Variants in NAV3 observed in about 807,000 individuals in gnomAD.
NAV3 encodes the protein pore membrane and/or filament interacting like protein 1.
A neutral mutation model predicts 244.7 loss-of-function variants in NAV3; 87 were observed. The observed-to-expected ratio is 0.36, with a 90% CI of 0.30 to 0.42. The LOEUF is 0.42. NAV3 is among the 20% of genes least tolerant of loss of function. The pLI is 1.00. For missense variants in NAV3, 2,663 were observed against 2,893.3 expected, an observed-to-expected ratio of 0.92 and a Z score of 1.83; for synonymous variants, 1,126 against 1,042.2, an observed-to-expected ratio of 1.08 and a Z score of -1.55.
intron 16 of NAV3, among the ~76,000 whole-genome samples, chr12:78,126,180 T>C (rs1259452230): frequency 6.6e-6 from 1 of 152,214 alleles, no homozygotes; most frequent in Non-Finnish European, 1.5e-5. Context: ...TGGATGCTTT[T>C]GATTTCAGTG....
intron 2 of NAV3, among the ~76,000 whole-genome samples, chr12:77,737,529 C>G (rs557434919): frequency 2.0e-5 from 3 of 151,836 alleles, no homozygotes; most frequent in East Asian, 3.9e-4. Context: ...TGCTGTACAC[C>G]GAGGATTAAG....
chr12:78,176,451 G>A lies in NAV3; in HGVS notation c.5116G>A (p.Gly1706Arg). 7 of 1,612,662 alleles carry A rather than the reference G, an allele frequency of 4.3e-6. No individual in the cohort carries two copies. The highest frequency in any genetic ancestry group is 5.9e-6 in the Non-Finnish European group (7 of 1,179,242). Reference sequence around the variant, plus strand: ...ATGTTTCTGCAAGGTGAACTCTAGAGGAAGTGAGGTGAATATAAACCGTGG... The same window carrying A: ...ATGTTTCTGCAAGGTGAACTCTAGAAGAAGTGAGGTGAATATAAACCGTGG... ...KKKKNWVNSR[G>R]SELRSSFKQA... Residue 1706 changes from glycine (G) to arginine (R), a missense_variant, in exon 26 of 40, where the codon GGA (glycine) becomes AGA (arginine). Gly to Arg is a moderately radical substitution (Grantham distance 125). Transcript: ENST00000397909.
chr12:77,877,063 C>T (rs192881358), intron 1 of NAV3, among the ~76,000 whole-genome samples: 2 of 152,116 alleles, frequency 1.3e-5, no homozygotes, highest in Admixed American at 1.3e-4. Context: ...GCAGAAAATT[C>T]ACTAACAATT....
At position 78,197,346 on chromosome 12, in the gene NAV3, G is replaced by C. The variant is rs1565792065; in HGVS notation, c.6391G>C (p.Val2131Leu). Residue 2131 changes from valine (V) to leucine (L), a missense_variant, in exon 35 of 40, where the codon GTG becomes CTG. Coordinates refer to ENST00000397909, the MANE Select transcript of NAV3 (RefSeq NM_001024383.2). Reference protein sequence around the residue: ...VVIILDNLHHVGSLSDIFNGF... With the variant: ...VVIILDNLHHLGSLSDIFNGF... ...AATAATTCTTGATAATCTTCATCAT[G>C]TGGGCTCTCTGAGTGATATCTTCAA... 1.9e-6 allele frequency: 3 copies of C among 1,608,716 alleles called. No homozygotes were observed. In the South Asian group the frequency reaches 3.3e-5, roughly 18 times the overall value.
chr12:77,766,815 G>A (rs903315115), intron 2 of NAV3, among the ~76,000 whole-genome samples: 15 of 132,854 alleles, frequency 1.1e-4, no homozygotes, highest in South Asian at 2.4e-4. Context: ...GTATAGTGGC[G>A]TGATCTCGGC....
intron 24 of NAV3, among the ~76,000 whole-genome samples, chr12:78,172,444 T>G (rs2139605467): frequency 6.6e-6 from 1 of 151,716 alleles, no homozygotes; most frequent in East Asian, 1.9e-4. Flanking sequence ...TCCATAGAAC[T>G]TTTAGTCTAG....
chr12:78,080,648 T>A (rs964034640), intron 12 of NAV3, among the ~76,000 whole-genome samples: 2 of 152,220 alleles, frequency 1.3e-5, no homozygotes, highest in African/African-American at 4.8e-5. Context: ...AATCTGCTGC[T>A]GCTTTGGAGT....
At chr12:77,694,017 C>G (rs1040964330) in intron 2 of NAV3, among the ~76,000 whole-genome samples, 1 of 152,100 alleles carries the variant, frequency 6.6e-6, no homozygotes, top group South Asian at 2.1e-4. Flanking sequence ...GGTTTTGCTA[C>G]AGTAATGCAA....
At chr12:78,100,560 A>G (rs2138198011) in intron 12 of NAV3, among the ~76,000 whole-genome samples, 1 of 152,154 alleles carries the variant, frequency 6.6e-6, no homozygotes, top group South Asian at 2.1e-4. Flanking sequence ...TACTTCATTA[A>G]GTTCCCTACT....
chr12:77,895,040 A>G (rs1884414238), intron 1 of NAV3, among the ~76,000 whole-genome samples: 2 of 152,144 alleles, frequency 1.3e-5, no homozygotes, highest in Non-Finnish European at 2.9e-5. Flanking sequence ...TTATTAAAAT[A>G]TTAGTAACTT....
intron 3 of NAV3, among the ~76,000 whole-genome samples, chr12:77,949,543 T>A (rs1221474447): frequency 6.6e-6 from 1 of 151,890 alleles, no homozygotes; most frequent in Non-Finnish European, 1.5e-5. Flanking sequence ...TAAAAACTAC[T>A]TTTTTTATAG....
At chr12:77,766,854 A>G (rs760845025) in intron 2 of NAV3, among the ~76,000 whole-genome samples, 30 of 142,926 alleles carry the variant, frequency 2.1e-4, no homozygotes, top group Non-Finnish European at 3.7e-4. Flanking sequence ...CCTGGGTTCC[A>G]GCAATTCTTC....
chr12:78,145,982 C>T (rs1304247137), intron 20 of NAV3, among the ~76,000 whole-genome samples: 2 of 152,052 alleles, frequency 1.3e-5, no homozygotes, highest in Admixed American at 6.6e-5. Context: ...GAGTCTGTTT[C>T]CTACAATCTG....
At chr12:77,628,631 T>C (rs1211545433) in intron 2 of NAV3, among the ~76,000 whole-genome samples, 2 of 152,034 alleles carry the variant, frequency 1.3e-5, no homozygotes, top group East Asian at 3.9e-4. Context: ...TGCCTGTAAT[T>C]CCAGCACTTT....
intron 12 of NAV3, among the ~76,000 whole-genome samples, chr12:78,100,838 A>G (rs1263940253): frequency 6.6e-6 from 1 of 152,092 alleles, no homozygotes; most frequent in African/African-American, 2.4e-5. Flanking sequence ...TTTACAATAA[A>G]TGTGAAATAC....
At position 77,731,461 on chromosome 12, in the gene NAV3, G is replaced by A. The variant is rs1877124211; in HGVS notation, c.72+159195G>A. Among the ~76,000 whole-genome samples the A allele has an allele frequency of 1.3e-5, 2 of 151,934 alleles. 1 individual carries two copies. The highest frequency in any genetic ancestry group is 4.1e-4 in the South Asian group (2 of 4,832). ...TATGATACGATATATAACCCAGCAG[G>A]AAACATATTTACCTAGTTAGTATAA... On this transcript the variant is annotated intron_variant, in intron 2 of 8. Coordinates refer to the NAV3 transcript ENST00000550042.
rs148630030 is a variant in NAV3 at position 77,804,805 on chromosome 12, C to T, written c.73-135514C>T. Among the ~76,000 whole-genome samples, 316 of 152,084 alleles carry T rather than the reference C, an allele frequency of 2.1e-3. 2 individuals are homozygous for T. The highest frequency in any genetic ancestry group is 6.5e-3 in the African/African-American group (268 of 41,506). On this transcript the variant is annotated intron_variant, in intron 2 of 8. Transcript: ENST00000550042. ...GATATTGATTCTTCCTGTCCATGAG[C>T]GTGGAATGTTTTTCCATTTGTTTGT...
chr12:77,973,195 G>T (rs1032757527), intron 5 of NAV3, among the ~76,000 whole-genome samples: 1 of 151,906 alleles, frequency 6.6e-6, no homozygotes, highest in Non-Finnish European at 1.5e-5. Context: ...TCAAATAGTT[G>T]ATGAATTTTA....
intron 2 of NAV3, among the ~76,000 whole-genome samples, chr12:77,602,850 A>G (rs1234946849): frequency 2.0e-5 from 3 of 152,036 alleles, no homozygotes; most frequent in Non-Finnish European, 4.4e-5. Flanking sequence ...TCTTTGATCT[A>G]CAGCTCACTT....
Sources: allele counts gnomAD v4.1 joint callset (sites outside exome capture counted in the v4.1 genomes callset), GRCh38; gene constraint gnomAD v4.1.1; transcripts MANE v1.5; gene names NCBI Gene and HGNC (gene_info 2026-07-23, HGNC 2026-07-21).